SPON1: variants seen among roughly 807,000 people sequenced by gnomAD.
SPON1 encodes spondin 1, also known as spondin-1.
In SPON1, 52 loss-of-function variants were observed where a neutral mutation model predicts 111.7. That is an observed-to-expected ratio of 0.47 (90% CI 0.37 to 0.59). The LOEUF (loss-of-function observed/expected upper bound fraction) is 0.59. Among genes scored for constraint, SPON1 ranks in the 20% least tolerant of loss-of-function variants. The probability of loss-of-function intolerance (pLI) is 0.00; values close to 1 mark genes in which losing one functional copy is unlikely to be tolerated. For missense variants in SPON1, 957 were observed against 1,068.5 expected (o/e 0.90, Z 1.46); for synonymous variants, 410 against 395.8 (o/e 1.04, Z -0.43).
At chr11:14,021,884 C>T (rs569754607) in intron 2 of SPON1, among the ~76,000 whole-genome samples, 27 of 152,334 alleles carry the variant, frequency 1.8e-4, no homozygotes, top group African/African-American at 4.6e-4. Flanking sequence ...GATCACCCAT[C>T]GCTCTTGCTC....
At chr11:14,224,171 G>A (rs2133908307) in intron 6 of SPON1, among the ~76,000 whole-genome samples, 1 of 152,304 alleles carries the variant, frequency 6.6e-6, no homozygotes, top group African/African-American at 2.4e-5. Flanking sequence ...AGAGAGAGGA[G>A]ATGAAGAGCA....
chr11:14,223,234 C>T (rs1316501837), intron 6 of SPON1, among the ~76,000 whole-genome samples: 27 of 152,102 alleles, frequency 1.8e-4, no homozygotes, highest in Admixed American at 1.6e-3. Flanking sequence ...TGTGGTGGCA[C>T]ATGCCTGTGA....
chr11:13,987,648 T>C (rs975406048), intron 2 of SPON1, among the ~76,000 whole-genome samples: 11 of 152,236 alleles, frequency 7.2e-5, no homozygotes, highest in Non-Finnish European at 1.6e-4. Context: ...CTGAATGGTA[T>C]TGCTCAGGTT....
At position 14,155,784 on chromosome 11, in the gene SPON1, A is replaced by G. The variant is rs1168988140; in HGVS notation, c.825+20216A>G. Among the ~76,000 whole-genome samples the G allele has an allele frequency of 2.4e-5, 3 of 124,696 alleles. 1 individual carries two copies. Among genetic ancestry groups the G allele is most frequent in the Non-Finnish European group, 5.4e-5 (3 of 55,220 alleles). 81.8% of individuals were successfully genotyped at this position (124,696 alleles called of 152,430 possible). On this transcript the variant is annotated intron_variant, in intron 6 of 15. Transcript: ENST00000576479. ...TTTGTTCTTGCGATAGTTTACTGAGAATAATGATTTCCAATTTCATCCATG... is the reference window on the plus strand; with the variant it reads ...TTTGTTCTTGCGATAGTTTACTGAGGATAATGATTTCCAATTTCATCCATG...
chr11:14,227,483 T>C (rs1554938251), intron 6 of SPON1, among the ~76,000 whole-genome samples: 2 of 152,208 alleles, frequency 1.3e-5, no homozygotes, highest in African/African-American at 4.8e-5. Context: ...TGACTTTCTA[T>C]TGAAAATAAC....
chr11:14,232,821 C>T (rs1298376270), intron 6 of SPON1, among the ~76,000 whole-genome samples: 1 of 152,204 alleles, frequency 6.6e-6, no homozygotes, highest in Non-Finnish European at 1.5e-5. Context: ...TCACCTCTGT[C>T]TTTCCTGAAC....
chr11:14,091,746 T>C (rs1231247634), intron 5 of SPON1, among the ~76,000 whole-genome samples: 7 of 152,166 alleles, frequency 4.6e-5, no homozygotes, highest in Non-Finnish European at 7.4e-5. Flanking sequence ...GAGTGGGCTC[T>C]AGCCTTGGCC....
Position 14,041,524 on chromosome 11 carries a change from A to G in SPON1, c.349A>G (p.Ile117Val), listed in dbSNP as rs782540553. ...ATTTCCCACTGGTTTTCCGTAGATC[A>G]TAGACGAAGAAGAAACTCAGTTTAT... ...EEDHAGTFQI[I>V]DEEETQFMSN... is the part of the protein sequence containing the mutation. The change falls in exon 3 of 16, where the codon ATA becomes GTA. Residue 117 changes from isoleucine (I) to valine (V), a missense_variant. By Grantham distance (29) the Ile-to-Val change is conservative (BLOSUM62 3). Coordinates refer to ENST00000576479, the MANE Select transcript of SPON1 (RefSeq NM_006108.4). 6.2e-6 allele frequency: 10 copies of G among 1,613,846 alleles called. No individual in the cohort carries two copies. The African/African-American group carries it at 1.3e-4, about 22-fold the overall frequency.
At chr11:14,174,565 G>A (rs1848152062) in intron 6 of SPON1, among the ~76,000 whole-genome samples, 1 of 151,164 alleles carries the variant, frequency 6.6e-6, no homozygotes, top group African/African-American at 2.4e-5. Flanking sequence ...CCCCAAAATG[G>A]GGCCTGTGGC....
chr11:14,192,684 C>T (rs190483483), intron 6 of SPON1, among the ~76,000 whole-genome samples: 23 of 152,202 alleles, frequency 1.5e-4, no homozygotes, highest in African/African-American at 5.5e-4. Flanking sequence ...AAAAACAGAC[C>T]TGGTAAGGCC....
chr11:14,254,463 T>C (rs1554940944), intron 7 of SPON1, 65 bp from the exon 8 acceptor site: 2 of 1,377,168 alleles, frequency 1.5e-6, no homozygotes, highest in Admixed American at 2.3e-5. Flanking sequence ...TCCAGGCAGA[T>C]TTCCCTCAGA....
intron 6 of SPON1, among the ~76,000 whole-genome samples, chr11:14,231,084 A>G (rs1321128535): frequency 2.0e-5 from 3 of 150,632 alleles, no homozygotes; most frequent in African/African-American, 7.3e-5. Flanking sequence ...AAGTGCTGGG[A>G]TTACAGGCAT....
At chr11:14,245,419 T>C (rs1202859090) in intron 7 of SPON1, among the ~76,000 whole-genome samples, 1 of 152,148 alleles carries the variant, frequency 6.6e-6, no homozygotes, top group African/African-American at 2.4e-5. Context: ...TTTGCACAAG[T>C]CCAGGCAGCA....
At chr11:14,118,065 G>A (rs1348426117) in intron 5 of SPON1, among the ~76,000 whole-genome samples, 1 of 152,166 alleles carries the variant, frequency 6.6e-6, no homozygotes, top group Non-Finnish European at 1.5e-5. Flanking sequence ...TCAGAGTTAA[G>A]ATTGAAATCT....
Position 14,243,427 on chromosome 11 carries a change from T to A in SPON1, c.890+31T>A, listed in dbSNP as rs781839442. The A allele has an allele frequency of 2.6e-6, 4 of 1,552,390 alleles. No homozygotes were observed. The South Asian group carries it at 4.7e-5, about 18-fold the overall frequency. ...TAACACAAGTCCCTTGCCTGGCCTG[T>A]CTTATCCTAGCCCCTTCTCAAAGCC... On this transcript the variant is annotated intron_variant, in intron 7 of 15. Transcript: ENST00000576479.
chr11:13,983,014 A>T, intron 2 of SPON1, 61 bp downstream of exon 2: 1 of 1,197,124 alleles, frequency 8.4e-7, no homozygotes, highest in East Asian at 2.6e-5. Flanking sequence ...GAGGCTGGAG[A>T]GGTACAAGTG....
chr11:14,218,468 A>T (rs1848648200), intron 6 of SPON1, among the ~76,000 whole-genome samples: 1 of 152,224 alleles, frequency 6.6e-6, no homozygotes, highest in Non-Finnish European at 1.5e-5. Context: ...CCCTGAGGGC[A>T]GGAACAACAT....
At chr11:14,234,670 G>T (rs1554939053) in intron 6 of SPON1, among the ~76,000 whole-genome samples, 1 of 152,204 alleles carries the variant, frequency 6.6e-6, no homozygotes. Flanking sequence ...GGGCAGTGGG[G>T]CAGGCCCGGA....
At position 14,091,405 on chromosome 11, in the gene SPON1, C is replaced by T. The variant is rs868920020; in HGVS notation, c.676+11384C>T. Among the ~76,000 whole-genome samples, 504 of 152,318 alleles carry T rather than the reference C, an allele frequency of 3.3e-3. 11 individuals are homozygous for T. The highest frequency in any genetic ancestry group is 0.022 in the Admixed American group (341 of 15,312). Reference sequence around the variant, plus strand: ...TGGTGCTCGTTGGGGAGGCTCGGGCCGCACAGGAGCCCATGGAGTGGGTGG... The same window carrying T: ...TGGTGCTCGTTGGGGAGGCTCGGGCTGCACAGGAGCCCATGGAGTGGGTGG... On this transcript the variant is annotated intron_variant, in intron 5 of 15. Coordinates refer to ENST00000576479, the MANE Select transcript of SPON1 (RefSeq NM_006108.4).
Sources: allele counts gnomAD v4.1 joint callset (sites outside exome capture counted in the v4.1 genomes callset), GRCh38; gene constraint gnomAD v4.1.1; transcripts MANE v1.5; gene names NCBI Gene and HGNC (gene_info 2026-07-23, HGNC 2026-07-21).